Variants in GLMN observed in about 807,000 individuals in gnomAD.
The protein encoded by GLMN is glomulin.
Under a neutral mutation model 87.8 loss-of-function variants are expected in GLMN, and 75 were observed. The observed-to-expected ratio is 0.85, with a 90% CI of 0.71 to 1.04. GLMN has a LOEUF of 1.04. Ranked by LOEUF, GLMN falls within the 50% of genes least tolerant of loss-of-function variation. The pLI is 0.00. For synonymous variants in GLMN, 206 were observed against 221.6 expected, an observed-to-expected ratio of 0.93 and a Z score of 0.63; for missense variants, 588 against 658.8, an observed-to-expected ratio of 0.89 and a Z score of 1.18.
At chr1:92,293,142 T>C (rs991432348) in intron 3 of GLMN, among the ~76,000 whole-genome samples, 4 of 151,920 alleles carry the variant, frequency 2.6e-5, no homozygotes, top group Non-Finnish European at 5.9e-5. Flanking sequence ...GATTAAAAAA[T>C]TGGCAAAAGA....
At chr1:92,363,840 A>T in the GLMN span, 1 of 225,486 alleles carries the variant, frequency 4.4e-6, no homozygotes, top group African/African-American at 2.3e-5. Context: ...TATTATAAGG[A>T]TCTAATACAT....
chr1:92,279,101 T>G (rs3122326), intron 7 of GLMN, among the ~76,000 whole-genome samples: 73,247 of 151,970 alleles, frequency 0.48, 18,652 homozygotes, highest in East Asian at 0.96. Flanking sequence ...TTGCATGTCC[T>G]AACTTTACTC....
intron 8 of GLMN, among the ~76,000 whole-genome samples, chr1:92,270,364 A>C (rs547518341): frequency 1.3e-5 from 2 of 152,344 alleles, no homozygotes; most frequent in East Asian, 3.9e-4. Flanking sequence ...CCTATGCCAC[A>C]AAGTAGTTAG....
chr1:92,314,320 G>A, the GLMN span, among the ~76,000 whole-genome samples: 1 of 146,870 alleles, frequency 6.8e-6, no homozygotes, highest in Admixed American at 6.7e-5. Flanking sequence ...TTTTGTTGTT[G>A]TTGCTGTTGC....
the GLMN span, among the ~76,000 whole-genome samples, chr1:92,311,848 T>C: frequency 2.0e-5 from 3 of 152,212 alleles, no homozygotes; most frequent in East Asian, 1.9e-4. Context: ...CATACCTTAA[T>C]TTTAAAATAT....
At chr1:92,278,276 C>T (rs913649054) in intron 7 of GLMN, among the ~76,000 whole-genome samples, 1 of 152,044 alleles carries the variant, frequency 6.6e-6, no homozygotes, top group Non-Finnish European at 1.5e-5. Flanking sequence ...CTTATACTAC[C>T]TCCAGAAGAT....
the GLMN span, among the ~76,000 whole-genome samples, chr1:92,339,421 T>C: frequency 6.6e-6 from 1 of 151,160 alleles, no homozygotes; most frequent in South Asian, 2.1e-4. Context: ...GTGATTTTAA[T>C]GGGTAGTCAA....
At chr1:92,346,245 C>T in the GLMN span, among the ~76,000 whole-genome samples, 16 of 151,942 alleles carry the variant, frequency 1.1e-4, no homozygotes, top group African/African-American at 3.4e-4. Flanking sequence ...CTCACTGCCA[C>T]CTCTGCCTCC....
chr1:92,269,141 A>G (rs1655967638), intron 9 of GLMN, among the ~76,000 whole-genome samples: 2 of 150,780 alleles, frequency 1.3e-5, no homozygotes, highest in African/African-American at 4.9e-5. Context: ...GGGTCAAGCA[A>G]TCCTCTCGCC....
the GLMN span, among the ~76,000 whole-genome samples, chr1:92,361,371 A>G: frequency 6.6e-6 from 1 of 152,126 alleles, no homozygotes; most frequent in Non-Finnish European, 1.5e-5. Flanking sequence ...GCACTTAGTA[A>G]GCATTCAGTG....
chr1:92,326,597 C>T, the GLMN span, among the ~76,000 whole-genome samples: 1 of 152,056 alleles, frequency 6.6e-6, no homozygotes, highest in Non-Finnish European at 1.5e-5. Flanking sequence ...GGGCTATGTG[C>T]GTCTGAACTC....
At chr1:92,335,201 G>A in the GLMN span, among the ~76,000 whole-genome samples, 1 of 152,030 alleles carries the variant, frequency 6.6e-6, no homozygotes, top group Non-Finnish European at 1.5e-5. Context: ...ACCAGCATTT[G>A]TTATTGCCTG....
At chr1:92,299,090 G>C, upstream of GLMN, 1 of 1,518,378 alleles carries the variant, frequency 6.6e-7, no homozygotes, top group South Asian at 1.2e-5. Context: ...GACTTCGCTG[G>C]GCCGTCTTCT....
the GLMN span, among the ~76,000 whole-genome samples, chr1:92,315,261 G>A: frequency 6.6e-6 from 1 of 152,158 alleles, no homozygotes; most frequent in African/African-American, 2.4e-5. Context: ...ACAGCTGGTT[G>A]GTGGATCAGT....
upstream of GLMN, chr1:92,299,045 T>C (rs898489945): frequency 5.9e-6 from 8 of 1,362,218 alleles, no homozygotes; most frequent in African/African-American, 6.0e-5. Context: ...CGCCGGAGCG[T>C]GTCCCCGTCC....
chr1:92,287,376 T>TTA (rs572354358), intron 6 of GLMN, among the ~76,000 whole-genome samples: 126 of 152,284 alleles, frequency 8.3e-4, no homozygotes, highest in Non-Finnish European at 1.6e-3. Flanking sequence ...ACAGGGTGTC[T>TTA]GTCACCCAGG....
chr1:92,350,706 G>A, the GLMN span, among the ~76,000 whole-genome samples: 7 of 152,196 alleles, frequency 4.6e-5, no homozygotes, highest in South Asian at 2.1e-4. Flanking sequence ...CTGGGAGGCC[G>A]AGGCAGGCGG....
rs891504250 is a variant in GLMN at position 92,288,990 on chromosome 1, G to C, written c.556C>G (p.Pro186Ala). The C allele has an allele frequency of 1.2e-5, 19 of 1,612,400 alleles. No homozygotes were observed. The highest frequency in any genetic ancestry group is 1.5e-5 in the Non-Finnish European group (18 of 1,178,472). Residue 186 changes from proline to alanine, a missense_variant, in exon 6 of 19, where the codon CCT becomes GCT. Coordinates refer to ENST00000370360, the MANE Select transcript of GLMN (RefSeq NM_053274.3). ...CCKALIEFTK[P>A]FVEEVIDNKE... ...TTATCAATGACTTCTTCCACAAAAG[G>C]CTTAGTGAACTCTATTAAGGCCTTG...
intron 17 of GLMN, 74 bp from the exon 18 acceptor site, chr1:92,247,218 T>G: frequency 1.3e-6 from 1 of 794,156 alleles, no homozygotes; most frequent in South Asian, 1.3e-5. Context: ...CTACTTTCAT[T>G]CACTAACTTA....
Sources: allele counts gnomAD v4.1 joint callset (sites outside exome capture counted in the v4.1 genomes callset), GRCh38; gene constraint gnomAD v4.1.1; transcripts MANE v1.5; gene names NCBI Gene and HGNC (gene_info 2026-07-23, HGNC 2026-07-21).